Variants in MRAS observed in about 807,000 individuals in gnomAD.
The protein encoded by MRAS is ras-related protein M-Ras.
A neutral mutation model predicts 20.9 loss-of-function variants in MRAS; 4 were observed. The observed-to-expected ratio is 0.19, with a 90% CI of 0.09 to 0.44. The LOEUF is 0.44. Among genes scored for constraint, MRAS ranks in the 20% least tolerant of loss-of-function variants. MRAS has a pLI of 0.99. For missense variants in MRAS, 154 were observed against 277.5 expected (o/e 0.56, Z 3.16); for synonymous variants, 98 against 102.9 (o/e 0.95, Z 0.29).
chr3:138,387,528 C>T (rs1208796509), intron 2 of MRAS, among the ~76,000 whole-genome samples: 3 of 152,220 alleles, frequency 2.0e-5, no homozygotes, highest in African/African-American at 7.2e-5. Context: ...TGAACCTAAG[C>T]AGATCACTAG....
intron 1 of MRAS, among the ~76,000 whole-genome samples, chr3:138,352,260 G>A (rs1381793167): frequency 1.3e-5 from 2 of 152,150 alleles, no homozygotes; most frequent in Non-Finnish European, 2.9e-5. Flanking sequence ...AAGCATTCCC[G>A]CTACCTGTGT....
intron 2 of MRAS, among the ~76,000 whole-genome samples, chr3:138,376,293 A>G (rs965564958): frequency 2.0e-5 from 3 of 152,162 alleles, no homozygotes; most frequent in Non-Finnish European, 2.9e-5. Context: ...TGACCAAACC[A>G]TTGACACTAG....
intron 2 of MRAS, among the ~76,000 whole-genome samples, chr3:138,387,475 C>T (rs1023209946): frequency 3.3e-5 from 5 of 152,184 alleles, no homozygotes; most frequent in Non-Finnish European, 5.9e-5. Context: ...TGGAATCAGA[C>T]GGGCATGGGT....
chr3:138,372,939 T>G lies in MRAS; in HGVS notation c.56T>G (p.Val19Gly). Residue 19 changes from valine (V) to glycine (G), a missense_variant, in exon 2 of 6, where the codon GTG becomes GGG. By Grantham distance (109) the Val-to-Gly change is moderately radical (BLOSUM62 -3). This residue lies in a region of MRAS where 27 missense variants were observed against 42.0 expected (regional missense o/e 0.64). Coordinates refer to ENST00000423968, the MANE Select transcript of MRAS (RefSeq NM_001085049.3). ...CTCCCCACATACAAGCTGGTGGTGGTGGGGGATGGGGGTGTGGGCAAAAGT... is the reference window on the plus strand; with the variant it reads ...CTCCCCACATACAAGCTGGTGGTGGGGGGGGATGGGGGTGTGGGCAAAAGT... ...DNLPTYKLVV[V>G]GDGGVGKSAL... 6.4e-7 allele frequency: 1 copy of G among 1,557,426 alleles called. No homozygotes were observed. The highest frequency in any genetic ancestry group is 2.0e-5 in the Admixed American group (1 of 49,036).
chr3:138,354,080 G>A (rs1044429469), intron 1 of MRAS, among the ~76,000 whole-genome samples: 12 of 152,212 alleles, frequency 7.9e-5, no homozygotes, highest in Non-Finnish European at 1.2e-4. Context: ...GAGCAGGGAT[G>A]GAGCAGCCTG....
chr3:138,355,546 A>G (rs2054314210), intron 1 of MRAS, among the ~76,000 whole-genome samples: 1 of 152,222 alleles, frequency 6.6e-6, no homozygotes, highest in South Asian at 2.1e-4. Flanking sequence ...TTCATAATAG[A>G]TAGTGGGGAC....
intron 2 of MRAS, among the ~76,000 whole-genome samples, chr3:138,389,834 G>A (rs375082030): frequency 7.9e-5 from 12 of 152,032 alleles, no homozygotes; most frequent in African/African-American, 1.7e-4. Flanking sequence ...GCAGGAACAC[G>A]GTGGGTGGGA....
chr3:138,353,530 T>G (rs1182045184), intron 1 of MRAS, among the ~76,000 whole-genome samples: 1 of 152,216 alleles, frequency 6.6e-6, no homozygotes, highest in African/African-American at 2.4e-5. Flanking sequence ...CCTTCTTCCC[T>G]TAACCTGTCC....
chr3:138,361,618 G>A lies in MRAS; in HGVS notation c.-18-11248G>A, dbSNP rs146051317. On this transcript the variant is annotated intron_variant, in intron 1 of 5. Transcript: ENST00000423968. ...TTGTGCAGGGTTGAGCCTGAGCAGCGGAGCAGAACAGTGAGGAGGTGCGGG... is the reference window on the plus strand; with the variant it reads ...TTGTGCAGGGTTGAGCCTGAGCAGCAGAGCAGAACAGTGAGGAGGTGCGGG... 4.1e-4 allele frequency among the ~76,000 whole-genome samples: 63 copies of A among 152,308 alleles called. No homozygotes were observed. In the East Asian group the frequency reaches 0.012, roughly 28 times the overall value.
chr3:138,350,726 C>T (rs2054209903), intron 1 of MRAS, among the ~76,000 whole-genome samples: 1 of 152,060 alleles, frequency 6.6e-6, no homozygotes, highest in African/African-American at 2.4e-5. Context: ...ATACTCAGTT[C>T]GTCTGAGCTA....
chr3:138,386,065 A>G (rs946143464), intron 2 of MRAS, among the ~76,000 whole-genome samples: 16 of 152,202 alleles, frequency 1.1e-4, no homozygotes, highest in African/African-American at 3.4e-4. Flanking sequence ...TTTTCCTCAT[A>G]TAACTTTTTT....
At chr3:138,353,460 T>C (rs1358491320) in intron 1 of MRAS, among the ~76,000 whole-genome samples, 1 of 152,172 alleles carries the variant, frequency 6.6e-6, no homozygotes, top group Non-Finnish European at 1.5e-5. Flanking sequence ...ACACAGTGTC[T>C]CTACCCTTTG....
intron 1 of MRAS, chr3:138,349,105 A>ATGGG (rs1187655238): frequency 1.4e-3 from 2 of 1,408 alleles, no homozygotes; most frequent in East Asian, 0.018. Flanking sequence ...GCGGCGGGGG[A>ATGGG]TGGGTGGGTG....
intron 2 of MRAS, among the ~76,000 whole-genome samples, chr3:138,382,867 G>A (rs2054933900): frequency 6.6e-6 from 1 of 152,212 alleles, no homozygotes; most frequent in South Asian, 2.1e-4. Flanking sequence ...GAAGTCATGT[G>A]ACCAGTTTGG....
chr3:138,356,090 T>C (rs547546774), intron 1 of MRAS, among the ~76,000 whole-genome samples: 1 of 152,340 alleles, frequency 6.6e-6, no homozygotes, highest in South Asian at 2.1e-4. Context: ...CAGTTGAACA[T>C]ATTATACAAC....
chr3:138,400,329 G>A, intron 4 of MRAS: 1 of 540,450 alleles, frequency 1.9e-6, no homozygotes, highest in Non-Finnish European at 3.3e-6. Context: ...GAGAACAAGA[G>A]GGAATTGGAA....
Position 138,404,878 on chromosome 3 carries a change from C to A in MRAS, c.*2609C>A, listed in dbSNP as rs943781885. 6.6e-6 allele frequency: 1 copy of A among 152,182 alleles called. No homozygotes were observed. Among genetic ancestry groups the A allele is most frequent in the Non-Finnish European group, 1.5e-5 (1 of 68,060 alleles). 9.4% of individuals were successfully genotyped at this position (152,182 alleles called of 1,614,324 possible). A position where few individuals can be genotyped will look rare whatever the true frequency, so the allele number is the denominator to read the frequency against. On this transcript the variant is annotated 3_prime_UTR_variant, in exon 6 of 6. Coordinates refer to ENST00000423968, the MANE Select transcript of MRAS (RefSeq NM_001085049.3). ...ACTGGGACTTCTGGCTGTTTGACAT[C>A]CTCATGTTCCCGTTGGTCTTCCGGA...
chr3:138,396,750 C>T (rs1418306617), intron 2 of MRAS, among the ~76,000 whole-genome samples: 2 of 152,124 alleles, frequency 1.3e-5, no homozygotes, highest in Non-Finnish European at 2.9e-5. Flanking sequence ...GCTCCTCCCC[C>T]AGGGTCTCCT....
intron 1 of MRAS, among the ~76,000 whole-genome samples, chr3:138,364,177 T>C (rs1006774440): frequency 3.3e-5 from 5 of 152,074 alleles, no homozygotes; most frequent in African/African-American, 1.2e-4. Context: ...CATATCGGCC[T>C]GCTAGCCTTC....
Sources: allele counts gnomAD v4.1 joint callset (sites outside exome capture counted in the v4.1 genomes callset), GRCh38; gene constraint gnomAD v4.1.1; regional missense constraint gnomAD v4.1.1; transcripts MANE v1.5; gene names NCBI Gene and HGNC (gene_info 2026-07-23, HGNC 2026-07-21).